The following SNX30 variants were observed in gnomAD, a reference collection of about 807,000 sequenced individuals.
SNX30 encodes sorting nexin-30.
A neutral mutation model predicts 46.4 loss-of-function variants in SNX30; 24 were observed. The ratio of observed to expected loss-of-function variants is 0.52; its 90% CI spans 0.37 to 0.73. The LOEUF is 0.73. SNX30 is among the 30% of genes least tolerant of loss of function. The pLI is 0.00. For synonymous variants in SNX30, 189 were observed against 211.5 expected, an observed-to-expected ratio of 0.89 and a Z score of 0.92; for missense variants, 533 against 555.7, an observed-to-expected ratio of 0.96 and a Z score of 0.41.
intron 1 of SNX30, among the ~76,000 whole-genome samples, chr9:112,786,193 C>T (rs1406980686): frequency 4.6e-5 from 7 of 151,242 alleles, no homozygotes; most frequent in Admixed American, 4.6e-4. Context: ...TCTTGGCTCA[C>T]CACAGCCTTG....
chr9:112,820,577 A>G (rs1267818874), intron 3 of SNX30, among the ~76,000 whole-genome samples: 2 of 152,256 alleles, frequency 1.3e-5, no homozygotes, highest in Non-Finnish European at 2.9e-5. Context: ...TTTAAAATGT[A>G]CAATTCAAAG....
At chr9:112,787,689 A>G (rs1196846387) in intron 1 of SNX30, among the ~76,000 whole-genome samples, 6 of 151,928 alleles carry the variant, frequency 3.9e-5, no homozygotes, top group Non-Finnish European at 7.4e-5. Context: ...GCATGTGCAC[A>G]TGCAAATGTT....
At chr9:112,827,177 A>C (rs1840591072) in intron 3 of SNX30, among the ~76,000 whole-genome samples, 1 of 152,218 alleles carries the variant, frequency 6.6e-6, no homozygotes, top group African/African-American at 2.4e-5. Flanking sequence ...GAAGATTAGT[A>C]GTCCCCTGAA....
downstream of SNX30, chr9:112,877,291 T>TTATA (rs887348446): frequency 7.9e-5 from 12 of 152,174 alleles, no homozygotes; most frequent in African/African-American, 2.9e-4. Context: ...AAACACAAGT[T>TTATA]TATATAGCAC....
chr9:112,877,522 G>C (rs1588147655), downstream of SNX30: 1 of 152,486 alleles, frequency 6.6e-6, no homozygotes, highest in South Asian at 2.1e-4. Context: ...CCAGACTCTT[G>C]GGGTTGGAGG....
chr9:112,859,843 A>G (rs1045198742), intron 7 of SNX30, among the ~76,000 whole-genome samples: 1 of 151,782 alleles, frequency 6.6e-6, no homozygotes, highest in Non-Finnish European at 1.5e-5. Flanking sequence ...AATAGTAGCC[A>G]TCCTGATGAG....
intron 8 of SNX30, among the ~76,000 whole-genome samples, chr9:112,865,647 A>ATG (rs1841316801): frequency 1.2e-5 from 1 of 85,188 alleles, no homozygotes; most frequent in Non-Finnish European, 2.8e-5. Flanking sequence ...ATATATATAT[A>ATG]TATATATATA....
At chr9:112,859,402 ATGC>A (rs1194389201) in intron 7 of SNX30, among the ~76,000 whole-genome samples, 1 of 152,216 alleles carries the variant, frequency 6.6e-6, no homozygotes, top group African/African-American at 2.4e-5. Flanking sequence ...ACTGTGAATA[ATGC>A]TGCTATAAAC....
At chr9:112,844,814 T>A (rs1840913362) in intron 6 of SNX30, among the ~76,000 whole-genome samples, 1 of 152,204 alleles carries the variant, frequency 6.6e-6, no homozygotes, top group Non-Finnish European at 1.5e-5. Context: ...CAATTTAAAT[T>A]GTCAGGCGGT....
intron 2 of SNX30, among the ~76,000 whole-genome samples, chr9:112,805,873 A>C (rs115006010): frequency 0.01 from 1,542 of 152,360 alleles, 38 homozygotes; most frequent in African/African-American, 0.035. Context: ...CAAAGTTGGT[A>C]ACCAGGATTC....
At chr9:112,856,331 G>A (rs1049693144) in intron 7 of SNX30, among the ~76,000 whole-genome samples, 4 of 149,494 alleles carry the variant, frequency 2.7e-5, no homozygotes, top group African/African-American at 4.9e-5. Context: ...GTGTGTGTGG[G>A]GGGTGGGTGT....
At chr9:112,875,126 A>G (rs149491874), downstream of SNX30, 9 of 152,300 alleles carry the variant, frequency 5.9e-5, no homozygotes, top group Non-Finnish European at 1.2e-4. Context: ...AGGAAAAAAT[A>G]TATATAATTG....
chr9:112,807,574 A>G (rs1055780952), intron 2 of SNX30, among the ~76,000 whole-genome samples: 1 of 152,052 alleles, frequency 6.6e-6, no homozygotes, highest in Non-Finnish European at 1.5e-5. Context: ...TTCTAGGGTG[A>G]CCTTATTTTT....
intron 1 of SNX30, among the ~76,000 whole-genome samples, chr9:112,792,581 C>T (rs893924954): frequency 1.2e-4 from 18 of 152,200 alleles, no homozygotes; most frequent in Admixed American, 1.1e-3. Flanking sequence ...TGAGCCACCA[C>T]GCCTGGCTAA....
intron 1 of SNX30, among the ~76,000 whole-genome samples, chr9:112,765,978 A>G (rs534486849): frequency 4.6e-5 from 7 of 152,060 alleles, no homozygotes; most frequent in East Asian, 1.9e-4. Context: ...TGATTTTTGT[A>G]TTTTTAGTAG....
rs546394730 is a variant in SNX30 at position 112,856,019 on chromosome 9, G to A, written c.1101+5074G>A. On this transcript the variant is annotated intron_variant, in intron 7 of 8. Coordinates refer to ENST00000374232, the MANE Select transcript of SNX30 (RefSeq NM_001012994.2). Reference sequence around the variant, plus strand: ...GAATGACAGTGAGGGTAACAGAGAGGGAGCTCTTGCCTTTTCCTGTCTTCT... The same window carrying A: ...GAATGACAGTGAGGGTAACAGAGAGAGAGCTCTTGCCTTTTCCTGTCTTCT... Among the ~76,000 whole-genome samples, 11 of 152,118 alleles carry A rather than the reference G, an allele frequency of 7.2e-5. 1 individual carries two copies. In the South Asian group the frequency reaches 1.9e-3, roughly 26 times the overall value.
At chr9:112,855,911 T>TG (rs1467487596) in intron 7 of SNX30, among the ~76,000 whole-genome samples, 1 of 151,910 alleles carries the variant, frequency 6.6e-6, no homozygotes, top group East Asian at 1.9e-4. Flanking sequence ...CCATGGAAGG[T>TG]GGGGGGCATC....
chr9:112,823,066 T>C (rs1320032910), intron 3 of SNX30, among the ~76,000 whole-genome samples: 1 of 152,212 alleles, frequency 6.6e-6, no homozygotes. Flanking sequence ...TAGGTATGTA[T>C]AGGAAAAAAC....
intron 6 of SNX30, among the ~76,000 whole-genome samples, chr9:112,842,157 G>T (rs1265493093): frequency 1.3e-5 from 2 of 152,208 alleles, no homozygotes; most frequent in African/African-American, 4.8e-5. Flanking sequence ...TGGCCAGGCT[G>T]GTCTCAAACT....
Sources: allele counts gnomAD v4.1 joint callset (sites outside exome capture counted in the v4.1 genomes callset), GRCh38; gene constraint gnomAD v4.1.1; transcripts MANE v1.5; gene names NCBI Gene and HGNC (gene_info 2026-07-23, HGNC 2026-07-21).